STK39: variants seen among roughly 807,000 people sequenced by gnomAD.
STK39 encodes serine/threonine kinase 39, also known as STE20/SPS1-related proline-alanine-rich protein kinase.
A neutral mutation model predicts 77.8 loss-of-function variants in STK39; 20 were observed. The observed-to-expected ratio is 0.26, with a 90% CI of 0.18 to 0.37. The LOEUF (loss-of-function observed/expected upper bound fraction) is 0.37, where lower values mean the gene tolerates loss of function less well. STK39 is among the 10% of genes least tolerant of loss of function. STK39 has a pLI of 1.00. For synonymous variants in STK39, 246 were observed against 234.1 expected (o/e 1.05, Z -0.47); for missense variants, 479 against 656.5 (o/e 0.73, Z 2.95).
chr2:168,133,235 A>T (rs1458646005), intron 8 of STK39, among the ~76,000 whole-genome samples: 5 of 152,202 alleles, frequency 3.3e-5, no homozygotes, highest in Non-Finnish European at 1.5e-5. Flanking sequence ...CAGCAAGGTC[A>T]TTGCCATGGT....
intron 17 of STK39, among the ~76,000 whole-genome samples, chr2:167,959,246 G>C (rs907778006): frequency 1.3e-5 from 2 of 151,858 alleles, no homozygotes; most frequent in Non-Finnish European, 2.9e-5. Flanking sequence ...AGCCTCTCGA[G>C]GAGCTGGGAC....
At chr2:168,211,363 G>A in intron 1 of STK39, among the ~76,000 whole-genome samples, 1 of 152,286 alleles carries the variant, frequency 6.6e-6, no homozygotes, top group East Asian at 1.9e-4. Flanking sequence ...GGAAGTAGTA[G>A]TAATTATTTA....
At chr2:167,997,068 C>T (rs1018108708) in intron 16 of STK39, among the ~76,000 whole-genome samples, 1 of 149,402 alleles carries the variant, frequency 6.7e-6, no homozygotes, top group African/African-American at 2.5e-5. Context: ...GTTGCCTACA[C>T]CCTTCCGAGT....
At chr2:168,213,512 C>T (rs2105702324) in intron 1 of STK39, among the ~76,000 whole-genome samples, 1 of 151,502 alleles carries the variant, frequency 6.6e-6, no homozygotes, top group East Asian at 1.9e-4. Flanking sequence ...ATAGCAAAAC[C>T]CTGTCTCTAC....
At chr2:168,042,172 T>TA (rs1685122895) in intron 14 of STK39, among the ~76,000 whole-genome samples, 1 of 152,232 alleles carries the variant, frequency 6.6e-6, no homozygotes, top group Admixed American at 6.5e-5. Flanking sequence ...AAGATATTTT[T>TA]AAAATCTCAT....
At chr2:168,160,811 T>C (rs902183398) in intron 5 of STK39, among the ~76,000 whole-genome samples, 1 of 152,042 alleles carries the variant, frequency 6.6e-6, no homozygotes, top group African/African-American at 2.4e-5. Flanking sequence ...GAAGTACTTT[T>C]TCAAACTGTC....
intron 14 of STK39, among the ~76,000 whole-genome samples, chr2:168,054,486 T>C (rs906314356): frequency 2.6e-5 from 4 of 152,210 alleles, no homozygotes; most frequent in African/African-American, 9.6e-5. Context: ...TTTTGAAGGA[T>C]ACCACTAATA....
At position 168,041,668 on chromosome 2, in the gene STK39, C is replaced by A. The variant is rs144292743; in HGVS notation, c.1376+21832G>T. 5.6e-4 allele frequency among the ~76,000 whole-genome samples: 86 copies of A among 152,264 alleles called. 1 individual carries two copies. In the East Asian group the frequency reaches 9.6e-3, roughly 17 times the overall value. On this transcript the variant is annotated intron_variant, in intron 14 of 17. Transcript: ENST00000355999. ...GCAAATGGGTACTTTAGATGGTGGT[C>A]AGAACTCCTAACTTGGACTAACTGC...
intron 16 of STK39, among the ~76,000 whole-genome samples, chr2:167,992,263 C>T (rs1683719408): frequency 6.6e-6 from 1 of 152,150 alleles, no homozygotes; most frequent in African/African-American, 2.4e-5. Flanking sequence ...AACTCTCCCA[C>T]TTGTCAATTG....
Position 168,166,753 on chromosome 2 carries a change from T to C in STK39, c.430+546A>G, listed in dbSNP as rs34268490. On this transcript the variant is annotated intron_variant, in intron 3 of 17. Transcript: ENST00000355999. ...GTGCTTAAGAGTCACATGGGATTAGTAAAAAGTAGATAGCAGCACCTCAGA... is the reference window on the plus strand; with the variant it reads ...GTGCTTAAGAGTCACATGGGATTAGCAAAAAGTAGATAGCAGCACCTCAGA... Among the ~76,000 whole-genome samples the C allele has an allele frequency of 8.7e-3, 1,331 of 152,300 alleles. 12 individuals are homozygous for C. Among genetic ancestry groups the C allele is most frequent in the Non-Finnish European group, 0.015 (1,030 of 68,024 alleles).
At chr2:167,974,292 T>C (rs1683208279) in intron 16 of STK39, among the ~76,000 whole-genome samples, 1 of 152,164 alleles carries the variant, frequency 6.6e-6, no homozygotes, top group African/African-American at 2.4e-5. Context: ...CCTGGAATTC[T>C]ATTTCATAAT....
intron 8 of STK39, among the ~76,000 whole-genome samples, chr2:168,136,637 G>T (rs1687849811): frequency 6.6e-6 from 1 of 152,164 alleles, no homozygotes; most frequent in South Asian, 2.1e-4. Flanking sequence ...TAACTGGAAA[G>T]ACAAGAACTT....
chr2:168,169,214 G>GTATTAGGTT, intron 2 of STK39, among the ~76,000 whole-genome samples: 1 of 152,156 alleles, frequency 6.6e-6, no homozygotes, highest in South Asian at 2.1e-4. Flanking sequence ...TCTGTTTCCG[G>GTATTAGGTT]TATTAGGTTC....
chr2:168,230,742 A>T (rs1294407944), intron 1 of STK39, among the ~76,000 whole-genome samples: 1 of 152,018 alleles, frequency 6.6e-6, no homozygotes, highest in Non-Finnish European at 1.5e-5. Flanking sequence ...CCTCAACAAG[A>T]GGCTGCTGCT....
chr2:168,247,486 A>T lies in STK39; in HGVS notation c.-51T>A, dbSNP rs1252841730. ...CGCGCCGGCCGACGGACGACCTTCCACTTGAAACTTCCTTTGCCTCGCCGC... is the reference window on the plus strand; with the variant it reads ...CGCGCCGGCCGACGGACGACCTTCCTCTTGAAACTTCCTTTGCCTCGCCGC... On this transcript the variant is annotated 5_prime_UTR_variant, in exon 1 of 18. Transcript: ENST00000355999. 16 of 1,257,376 alleles carry T rather than the reference A, an allele frequency of 1.3e-5. No individual in the cohort carries two copies. The highest frequency in any genetic ancestry group is 1.5e-5 in the Non-Finnish European group (15 of 985,464). The allele number at this position is 1,257,376 out of a possible 1,614,324, so 77.9% of individuals were successfully genotyped here.
At chr2:167,993,204 C>T (rs1683746666) in intron 16 of STK39, among the ~76,000 whole-genome samples, 3 of 152,204 alleles carry the variant, frequency 2.0e-5, no homozygotes, top group African/African-American at 7.2e-5. Flanking sequence ...TGGCAGTGTG[C>T]ATGCATTACA....
rs569337230 is a variant in STK39, at chr2:168,192,046, G to A, written c.209-9956C>T. Among the ~76,000 whole-genome samples, 82 of 152,276 alleles carry A rather than the reference G, an allele frequency of 5.4e-4. 1 individual carries two copies. Among genetic ancestry groups the A allele is most frequent in the African/African-American group, 1.7e-3 (72 of 41,540 alleles). ...ATGGCATCTCAGGGGGTGGCAGAAGGCTGGTTCCAAGAGGTAGAAGGAAAC... is the reference window on the plus strand; with the variant it reads ...ATGGCATCTCAGGGGGTGGCAGAAGACTGGTTCCAAGAGGTAGAAGGAAAC... On this transcript the variant is annotated intron_variant, in intron 1 of 17. Transcript: ENST00000355999.
At position 168,212,918 on chromosome 2, in the gene STK39, T is replaced by C. The variant is rs1468908262; in HGVS notation, c.209-30828A>G. On this transcript the variant is annotated intron_variant, in intron 1 of 17. Transcript: ENST00000355999. ...TACATCCTTGAAACCACAAAAAAGA[T>C]AAAGCAGAAGAGTATAGACTCCAGG... Among the ~76,000 whole-genome samples, 9 of 152,176 alleles carry C rather than the reference T, an allele frequency of 5.9e-5. No individual in the cohort carries two copies. The South Asian group carries it at 1.4e-3, about 25-fold the overall frequency.
intron 16 of STK39, among the ~76,000 whole-genome samples, chr2:167,991,489 A>G (rs1683699618): frequency 6.6e-6 from 1 of 152,126 alleles, no homozygotes. Context: ...TTCAAGAGCA[A>G]TAAGGGGACA....
Sources: allele counts gnomAD v4.1 joint callset (sites outside exome capture counted in the v4.1 genomes callset), GRCh38; gene constraint gnomAD v4.1.1; transcripts MANE v1.5; gene names NCBI Gene and HGNC (gene_info 2026-07-23, HGNC 2026-07-21).